The following DIAPH3 variants were observed in gnomAD, a reference collection of about 807,000 sequenced individuals.
DIAPH3 encodes the protein protein diaphanous homolog 3.
A neutral mutation model predicts 144.3 loss-of-function variants in DIAPH3; 117 were observed. That is an observed-to-expected ratio of 0.81 (90% CI 0.70 to 0.95). The LOEUF is 0.95. Among genes scored for constraint, DIAPH3 ranks in the 40% least tolerant of loss-of-function variants. The probability of loss-of-function intolerance (pLI) is 0.00; values close to 1 mark genes in which losing one functional copy is unlikely to be tolerated. For missense variants in DIAPH3, 1,421 were observed against 1,412.7 expected (o/e 1.01, Z -0.09); for synonymous variants, 519 against 488.9 (o/e 1.06, Z -0.81).
At chr13:59,940,238 C>G (rs1376942783) in intron 17 of DIAPH3, among the ~76,000 whole-genome samples, 2 of 152,148 alleles carry the variant, frequency 1.3e-5, no homozygotes, top group Admixed American at 1.3e-4. Flanking sequence ...AACTCAATTA[C>G]TTTACAATTA....
chr13:59,739,700 C>A (rs2139037406), intron 27 of DIAPH3, among the ~76,000 whole-genome samples: 1 of 152,076 alleles, frequency 6.6e-6, no homozygotes, highest in African/African-American at 2.4e-5. Flanking sequence ...AGATTTGAAT[C>A]CAAATCTGCT....
intron 5 of DIAPH3, among the ~76,000 whole-genome samples, chr13:60,030,677 A>G (rs960209174): frequency 6.6e-6 from 1 of 152,200 alleles, no homozygotes; most frequent in African/African-American, 2.4e-5. Context: ...TATAGACTCA[A>G]GAGTACAAAG....
intron 22 of DIAPH3, among the ~76,000 whole-genome samples, chr13:59,840,810 T>C (rs2042299003): frequency 1.2e-5 from 1 of 84,584 alleles, no homozygotes; most frequent in African/African-American, 3.8e-5. Flanking sequence ...GCATATTTTC[T>C]CAGTAGGTTT....
At chr13:59,871,195 T>TGG (rs71089518) in intron 21 of DIAPH3, among the ~76,000 whole-genome samples, 2 of 128,314 alleles carry the variant, frequency 1.6e-5, no homozygotes, top group African/African-American at 6.1e-5. Context: ...CCATTTTTTT[T>TGG]GGGGGGGGGG....
chr13:60,135,249 CT>C (rs764946495), intron 1 of DIAPH3, among the ~76,000 whole-genome samples: 62,076 of 137,670 alleles, frequency 0.45, 13,386 homozygotes, highest in Admixed American at 0.55. Flanking sequence ...TCATGGTTTT[CT>C]TTTTTTTTTT....
intron 4 of DIAPH3, among the ~76,000 whole-genome samples, chr13:60,055,010 T>C (rs1156976408): frequency 6.6e-6 from 1 of 151,904 alleles, no homozygotes; most frequent in Admixed American, 6.6e-5. Context: ...TAGCAAGGGA[T>C]TCCCTTAAAG....
intron 27 of DIAPH3, among the ~76,000 whole-genome samples, chr13:59,765,024 C>T (rs568779923): frequency 1.3e-5 from 2 of 152,152 alleles, no homozygotes; most frequent in South Asian, 4.2e-4. Flanking sequence ...GTCACAGGTG[C>T]TGGGAATTGT....
chr13:59,991,014 C>T (rs777813886), intron 12 of DIAPH3, 144 bp downstream of exon 12: 18 of 606,360 alleles, frequency 3.0e-5, no homozygotes, highest in Non-Finnish European at 4.6e-5. Context: ...TAAATATATG[C>T]CCAGAGAAAA....
chr13:59,697,193 C>T (rs1210274134), intron 27 of DIAPH3, among the ~76,000 whole-genome samples: 1 of 151,894 alleles, frequency 6.6e-6, no homozygotes, highest in Non-Finnish European at 1.5e-5. Flanking sequence ...GGCGCGGTGG[C>T]TCACTCCTGT....
intron 5 of DIAPH3, among the ~76,000 whole-genome samples, chr13:60,029,884 A>T (rs411508): frequency 0.65 from 98,576 of 151,622 alleles, 32,626 homozygotes; most frequent in African/African-American, 0.73. Context: ...AAATCCAATA[A>T]CCCTACCACG....
At chr13:60,052,973 A>T (rs1226849057) in intron 4 of DIAPH3, among the ~76,000 whole-genome samples, 1 of 147,556 alleles carries the variant, frequency 6.8e-6, no homozygotes, top group Admixed American at 6.8e-5. Context: ...AAAAAAAAAA[A>T]AAAAAAAGAA....
chr13:60,159,625 CAAA>C (rs57606784), intron 1 of DIAPH3, among the ~76,000 whole-genome samples: 2 of 120,094 alleles, frequency 1.7e-5, no homozygotes, highest in African/African-American at 3.1e-5. Flanking sequence ...CTTTGTCTCA[CAAA>C]AAAAAAAAAA....
intron 18 of DIAPH3, 60 bp downstream of exon 18, chr13:59,924,715 T>C: frequency 6.4e-7 from 1 of 1,562,286 alleles, no homozygotes; most frequent in Non-Finnish European, 8.7e-7. Flanking sequence ...TTAAAGAAAA[T>C]GAAATCATTT....
At chr13:60,143,900 T>A (rs779390815) in intron 1 of DIAPH3, among the ~76,000 whole-genome samples, 1 of 152,168 alleles carries the variant, frequency 6.6e-6, no homozygotes, top group Non-Finnish European at 1.5e-5. Flanking sequence ...ACGAATCAGA[T>A]GTGAGGTAAA....
chr13:59,719,451 G>A (rs1365036348), intron 27 of DIAPH3, among the ~76,000 whole-genome samples: 3 of 152,094 alleles, frequency 2.0e-5, no homozygotes, highest in Admixed American at 2.0e-4. Flanking sequence ...AGAGAGGTTG[G>A]CTCTAAGCAA....
chr13:59,707,956 GCAAA>G (rs2034517523), intron 27 of DIAPH3, among the ~76,000 whole-genome samples: 1 of 149,402 alleles, frequency 6.7e-6, no homozygotes, highest in Non-Finnish European at 1.5e-5. Context: ...ATTCTCTCCA[GCAAA>G]CAAACATACT....
intron 23 of DIAPH3, 170 bp downstream of exon 23, chr13:59,839,154 C>T: frequency 1.5e-6 from 1 of 648,004 alleles, no homozygotes; most frequent in Non-Finnish European, 2.6e-6. Context: ...GTGTATTATT[C>T]ATGATTGACA....
intron 20 of DIAPH3, among the ~76,000 whole-genome samples, chr13:59,906,279 A>G (rs1443956872): frequency 6.6e-6 from 1 of 152,232 alleles, no homozygotes; most frequent in East Asian, 1.9e-4. Flanking sequence ...CATGAAAAAC[A>G]TATTCAAAAT....
chr13:59,681,486 A>G (rs1027369123), intron 27 of DIAPH3, among the ~76,000 whole-genome samples: 4 of 152,174 alleles, frequency 2.6e-5, no homozygotes, highest in African/African-American at 9.7e-5. Context: ...CAAAAACAAA[A>G]AGATTAAAAA....
Sources: gnomAD v4.1 joint callset for allele counts (sites outside exome capture counted in the v4.1 genomes callset) on GRCh38, gnomAD v4.1.1 for gene constraint, MANE v1.5 for transcripts, NCBI Gene and HGNC (gene_info 2026-07-23, HGNC 2026-07-21) for gene names.